Variants in RARB observed in about 807,000 individuals in gnomAD.
RARB encodes the protein HBV-activated protein.
RARB carries 17 observed loss-of-function variants against 51.9 expected under a neutral mutation model. The observed-to-expected ratio is 0.33, with a 90% CI of 0.22 to 0.49. The LOEUF is 0.49. Ranked by LOEUF, RARB falls within the 20% of genes least tolerant of loss-of-function variation. The probability of loss-of-function intolerance (pLI) is 0.99; values close to 1 mark genes in which losing one functional copy is unlikely to be tolerated. For missense variants in RARB, 369 were observed against 550.8 expected (o/e 0.67, Z 3.30); for synonymous variants, 215 against 195.4 (o/e 1.10, Z -0.84).
At chr3:25,537,551 G>C (rs1268244659) in intron 3 of RARB, among the ~76,000 whole-genome samples, 1 of 152,148 alleles carries the variant, frequency 6.6e-6, no homozygotes, top group East Asian at 1.9e-4. Flanking sequence ...CTGTTTTACT[G>C]TGGTGCCCTT....
At chr3:24,873,752 T>G (rs1323962584) in intron 2 of RARB, among the ~76,000 whole-genome samples, 1 of 152,004 alleles carries the variant, frequency 6.6e-6, no homozygotes, top group East Asian at 1.9e-4. Context: ...TTTGGACACA[T>G]GTGGCATTAT....
intron 5 of RARB, among the ~76,000 whole-genome samples, chr3:25,326,698 C>G (rs1386086477): frequency 6.6e-6 from 1 of 152,114 alleles, no homozygotes; most frequent in African/African-American, 2.4e-5. Flanking sequence ...CCTGGAATCT[C>G]TCCTGAAACA....
intron 2 of RARB, among the ~76,000 whole-genome samples, chr3:24,956,303 G>A (rs187355726): frequency 6.6e-6 from 1 of 152,288 alleles, no homozygotes; most frequent in Admixed American, 6.5e-5. Flanking sequence ...TTTGTCAAAT[G>A]TGTATAATAA....
chr3:25,019,207 G>A (rs1327215880), intron 2 of RARB, among the ~76,000 whole-genome samples: 1 of 152,122 alleles, frequency 6.6e-6, no homozygotes, highest in Non-Finnish European at 1.5e-5. Flanking sequence ...ATCTAGGATT[G>A]TGGAATGTTA....
At chr3:25,269,485 G>C (rs879296990) in intron 5 of RARB, among the ~76,000 whole-genome samples, 1 of 152,094 alleles carries the variant, frequency 6.6e-6, no homozygotes, top group African/African-American at 2.4e-5. Context: ...ACTTTAGCTT[G>C]TTTATACTTC....
chr3:25,045,812 C>G (rs1032418074), intron 2 of RARB, among the ~76,000 whole-genome samples: 5 of 152,042 alleles, frequency 3.3e-5, no homozygotes, highest in African/African-American at 1.2e-4. Context: ...TTTATTAGTT[C>G]CAAAATAAAA....
At chr3:25,590,365 T>C (rs1701568596) in intron 5 of RARB, among the ~76,000 whole-genome samples, 1 of 152,230 alleles carries the variant, frequency 6.6e-6, no homozygotes, top group African/African-American at 2.4e-5. Context: ...GACAAATCTC[T>C]GGATTCTTTC....
At chr3:24,968,197 T>C (rs1696318539) in intron 2 of RARB, among the ~76,000 whole-genome samples, 1 of 152,154 alleles carries the variant, frequency 6.6e-6, no homozygotes, top group Non-Finnish European at 1.5e-5. Flanking sequence ...GCTACATAAA[T>C]ATGTGTAAAT....
intron 2 of RARB, among the ~76,000 whole-genome samples, chr3:24,931,949 T>A (rs930025484): frequency 1.3e-5 from 2 of 152,128 alleles, no homozygotes; most frequent in South Asian, 2.1e-4. Flanking sequence ...TCCAGACTTA[T>A]GTTTCTAAAC....
intron 4 of RARB, among the ~76,000 whole-genome samples, chr3:25,579,839 G>A (rs1458944590): frequency 6.6e-6 from 1 of 152,164 alleles, no homozygotes; most frequent in African/African-American, 2.4e-5. Flanking sequence ...TTTCTGGCCA[G>A]AATATTTCAT....
intron 2 of RARB, among the ~76,000 whole-genome samples, chr3:24,978,714 A>G (rs1316908752): frequency 6.8e-6 from 1 of 146,212 alleles, no homozygotes; most frequent in Non-Finnish European, 1.5e-5. Flanking sequence ...TCCTGGATTG[A>G]TTTTTTTTTT....
intron 5 of RARB, among the ~76,000 whole-genome samples, chr3:25,214,071 A>T (rs1701762285): frequency 6.6e-6 from 1 of 152,246 alleles, no homozygotes; most frequent in Non-Finnish European, 1.5e-5. Context: ...GATGCAATAC[A>T]TTTGATTCAT....
At chr3:24,876,400 T>C (rs748720756) in intron 2 of RARB, among the ~76,000 whole-genome samples, 2 of 152,124 alleles carry the variant, frequency 1.3e-5, no homozygotes, top group African/African-American at 2.4e-5. Context: ...AATTAAGAGA[T>C]GCTCTCTGCC....
intron 2 of RARB, among the ~76,000 whole-genome samples, chr3:24,896,539 G>A (rs1032591669): frequency 2.0e-5 from 3 of 152,170 alleles, no homozygotes; most frequent in African/African-American, 4.8e-5. Context: ...GATTACAGGT[G>A]CCAGCCACCG....
chr3:25,247,442 C>T (rs140959791), intron 5 of RARB, among the ~76,000 whole-genome samples: 2 of 152,282 alleles, frequency 1.3e-5, no homozygotes, highest in South Asian at 2.1e-4. Context: ...ACTCGGGGCC[C>T]ATGTGGTGTA....
intron 2 of RARB, among the ~76,000 whole-genome samples, chr3:24,894,349 A>G (rs1337127300): frequency 1.3e-5 from 2 of 150,234 alleles, no homozygotes; most frequent in South Asian, 2.1e-4. Flanking sequence ...CCCACTTACA[A>G]GTGAGAACAT....
chr3:25,201,049 C>T (rs911150093), intron 5 of RARB, among the ~76,000 whole-genome samples: 17 of 152,132 alleles, frequency 1.1e-4, no homozygotes, highest in Non-Finnish European at 1.8e-4. Flanking sequence ...GCCATTTTCA[C>T]GATATTGATT....
chr3:24,906,488 C>T (rs1694866827), intron 2 of RARB, among the ~76,000 whole-genome samples: 1 of 151,996 alleles, frequency 6.6e-6, no homozygotes, highest in Non-Finnish European at 1.5e-5. Flanking sequence ...GGAATACTGC[C>T]CTTTATTAGA....
chr3:25,006,139 C>T (rs1386936382), intron 2 of RARB, among the ~76,000 whole-genome samples: 2 of 152,084 alleles, frequency 1.3e-5, no homozygotes, highest in Admixed American at 1.3e-4. Context: ...CCTTTCCTGA[C>T]CACCTTATGA....
Sources: gnomAD v4.1 joint callset for allele counts (sites outside exome capture counted in the v4.1 genomes callset) on GRCh38, gnomAD v4.1.1 for gene constraint, MANE v1.5 for transcripts, NCBI Gene and HGNC (gene_info 2026-07-23, HGNC 2026-07-21) for gene names.